Variants in SLIT2 observed in about 807,000 individuals in gnomAD.
SLIT2 encodes the protein slit guidance ligand 2.
Under a neutral mutation model 185.7 loss-of-function variants are expected in SLIT2, and 41 were observed. The observed-to-expected ratio is 0.22, with a 90% CI of 0.17 to 0.29. The LOEUF (loss-of-function observed/expected upper bound fraction) is 0.29, where lower values mean the gene tolerates loss of function less well. Among genes scored for constraint, SLIT2 ranks in the 10% least tolerant of loss-of-function variants. The pLI is 1.00. For missense variants in SLIT2, 1,571 were observed against 1,909.0 expected (o/e 0.82, Z 3.30); for synonymous variants, 693 against 680.2 (o/e 1.02, Z -0.29).
chr4:20,399,026 T>C (rs1726147432), intron 4 of SLIT2, among the ~76,000 whole-genome samples: 1 of 151,710 alleles, frequency 6.6e-6, no homozygotes, highest in South Asian at 2.1e-4. Context: ...ATGCTACAAG[T>C]GTACGATGAT....
intron 4 of SLIT2, among the ~76,000 whole-genome samples, chr4:20,280,833 G>GTTTTTTTTTTTTTTTTTTTTTTT (rs34477780): frequency 7.7e-6 from 1 of 130,652 alleles, no homozygotes; most frequent in African/African-American, 3.0e-5. Context: ...TTAAAAAAAT[G>GTTTTTTTTTTTTTTTTTTTTTTT]TTTTTTTTTT....
chr4:20,477,476 G>A (rs892319225), intron 5 of SLIT2, among the ~76,000 whole-genome samples: 11 of 152,150 alleles, frequency 7.2e-5, no homozygotes, highest in Admixed American at 1.3e-4. Context: ...TGGGATTACA[G>A]GCATGAGCCA....
intron 4 of SLIT2, among the ~76,000 whole-genome samples, chr4:20,389,124 T>TG (rs1428978313): frequency 2.6e-5 from 4 of 151,132 alleles, no homozygotes; most frequent in Non-Finnish European, 5.9e-5. Context: ...TTACTATTTA[T>TG]TTTTCAAGCG....
chr4:20,322,403 G>T (rs901000950), intron 4 of SLIT2, among the ~76,000 whole-genome samples: 3 of 152,152 alleles, frequency 2.0e-5, no homozygotes, highest in Non-Finnish European at 4.4e-5. Flanking sequence ...TCGAAGTGGG[G>T]AGGGGTCATC....
At chr4:20,395,244 CGAGCA>C (rs1029888388) in intron 4 of SLIT2, among the ~76,000 whole-genome samples, 43 of 151,960 alleles carry the variant, frequency 2.8e-4, no homozygotes, top group African/African-American at 1.0e-3. Flanking sequence ...ATGTGAAGGA[CGAGCA>C]GAGCTTTGTT....
rs1271279922 is a variant in SLIT2, at chr4:20,518,557, G to GTGTATATATATATATATATATATA, written c.1059-824_1059-823insGTATATATATATATATATATATAT. On this transcript the variant is annotated intron_variant, in intron 11 of 36. Coordinates refer to ENST00000504154, the MANE Select transcript of SLIT2 (RefSeq NM_004787.4). The stretch of plus-strand genomic sequence containing the variant: ...ATGAGCCACTGTGCCCAGCCTATAT[G>GTGTATATATATATATATATATATA]TATATATATATATATATATATATAT... Among the ~76,000 whole-genome samples, 59 of 17,854 alleles carry GTGTATATATATATATATATATATA rather than the reference G, an allele frequency of 3.3e-3. 11 individuals carry two copies. The highest frequency in any genetic ancestry group is 9.3e-3 in the East Asian group (5 of 540). The allele number at this position is 17,854 out of a possible 152,430, so 11.7% of individuals were successfully genotyped here.
chr4:20,458,830 T>C (rs570322965), intron 4 of SLIT2, among the ~76,000 whole-genome samples: 51 of 152,176 alleles, frequency 3.4e-4, no homozygotes, highest in Non-Finnish European at 6.8e-4. Flanking sequence ...AAAATAAAAA[T>C]AGGAGAATAC....
chr4:20,413,692 C>T (rs1176195970), intron 4 of SLIT2, among the ~76,000 whole-genome samples: 2 of 151,960 alleles, frequency 1.3e-5, no homozygotes, highest in Non-Finnish European at 1.5e-5. Flanking sequence ...ATGAAATATA[C>T]TTCTTTTTCT....
At chr4:20,349,434 G>C (rs1164427886) in intron 4 of SLIT2, among the ~76,000 whole-genome samples, 2 of 152,070 alleles carry the variant, frequency 1.3e-5, no homozygotes, top group Admixed American at 1.3e-4. Flanking sequence ...TTCCTGTTCT[G>C]CATGGATTTT....
rs1351255202 is a variant in SLIT2, at chr4:20,533,673, T to C, written c.1790T>C (p.Val597Ala). Residue 597 changes from valine (V) to alanine (A), a missense_variant, in exon 18 of 37, where the codon GTG becomes GCG. Physicochemically the swap from Val to Ala is moderately conservative, Grantham distance 64. Coordinates refer to ENST00000504154, the MANE Select transcript of SLIT2 (RefSeq NM_004787.4). ...CTTACGAGTAATCGTTTGGAAAATG[T>C]GCAGCATAAGATGTTCAAGGGATTG... ...ILLTSNRLEN[V>A]QHKMFKGLES... The C allele has an allele frequency of 1.2e-6, 2 of 1,613,754 alleles. No individual in the cohort carries two copies. The highest frequency in any genetic ancestry group is 1.7e-6 in the Non-Finnish European group (2 of 1,179,800).
intron 4 of SLIT2, among the ~76,000 whole-genome samples, chr4:20,293,430 G>T (rs1368621477): frequency 1.3e-5 from 2 of 152,208 alleles, no homozygotes; most frequent in Non-Finnish European, 2.9e-5. Flanking sequence ...GTTGTATATT[G>T]TATGGTGGGT....
chr4:20,592,533 T>C (rs1727592170), intron 30 of SLIT2, among the ~76,000 whole-genome samples: 1 of 152,156 alleles, frequency 6.6e-6, no homozygotes, highest in African/African-American at 2.4e-5. Flanking sequence ...ATAATGTAAC[T>C]CCAAGCTCTA....
At chr4:20,315,906 T>G (rs1718536049) in intron 4 of SLIT2, among the ~76,000 whole-genome samples, 1 of 152,074 alleles carries the variant, frequency 6.6e-6, no homozygotes, top group African/African-American at 2.4e-5. Flanking sequence ...TAATTCATAT[T>G]TATGATATTT....
At chr4:20,315,618 C>G (rs1337150082) in intron 4 of SLIT2, among the ~76,000 whole-genome samples, 2 of 151,952 alleles carry the variant, frequency 1.3e-5, no homozygotes, top group Non-Finnish European at 2.9e-5. Context: ...TATTTATTTT[C>G]TCATTGATAA....
At chr4:20,517,123 A>G (rs1369089592) in intron 11 of SLIT2, among the ~76,000 whole-genome samples, 1 of 152,162 alleles carries the variant, frequency 6.6e-6, no homozygotes, top group Non-Finnish European at 1.5e-5. Context: ...ATTTATATAC[A>G]TCTTTGTTCC....
intron 33 of SLIT2, among the ~76,000 whole-genome samples, chr4:20,604,541 G>T (rs1728642724): frequency 1.3e-5 from 2 of 151,996 alleles, no homozygotes; most frequent in South Asian, 4.1e-4. Flanking sequence ...TAGAGATGGG[G>T]TTTCACCATG....
At chr4:20,260,168 A>G (rs746094732) in intron 3 of SLIT2, among the ~76,000 whole-genome samples, 19 of 152,020 alleles carry the variant, frequency 1.2e-4, no homozygotes, top group Non-Finnish European at 2.4e-4. Flanking sequence ...AGAGAGTTCC[A>G]TAATCAAACT....
At chr4:20,493,512 C>T (rs666088) in intron 9 of SLIT2, among the ~76,000 whole-genome samples, 114,732 of 151,990 alleles carry the variant, frequency 0.75, 43,568 homozygotes, top group East Asian at 0.95. Context: ...AAATGAGATA[C>T]ACAGTGAAAA....
chr4:20,375,995 A>G (rs1271376942), intron 4 of SLIT2, among the ~76,000 whole-genome samples: 2 of 151,926 alleles, frequency 1.3e-5, no homozygotes, highest in African/African-American at 4.8e-5. Flanking sequence ...GTACATTTAG[A>G]GATTTAGGAA....
Sources: allele counts gnomAD v4.1 joint callset (sites outside exome capture counted in the v4.1 genomes callset), GRCh38; gene constraint gnomAD v4.1.1; transcripts MANE v1.5; gene names NCBI Gene and HGNC (gene_info 2026-07-23, HGNC 2026-07-21).